DOCK4: variants seen among roughly 807,000 people sequenced by gnomAD.
DOCK4 encodes the protein dedicator of cytokinesis protein 4.
A neutral mutation model predicts 268.1 loss-of-function variants in DOCK4; 97 were observed. That is an observed-to-expected ratio of 0.36 (90% CI 0.31 to 0.43). The LOEUF (loss-of-function observed/expected upper bound fraction) is 0.43, where lower values mean the gene tolerates loss of function less well. DOCK4 is among the 20% of genes least tolerant of loss of function. DOCK4 has a pLI of 1.00. For synonymous variants in DOCK4, 954 were observed against 887.2 expected (o/e 1.08, Z -1.34); for missense variants, 2,145 against 2,455.7 (o/e 0.87, Z 2.67).
intron 1 of DOCK4, among the ~76,000 whole-genome samples, chr7:112,123,307 G>A (rs1217530196): frequency 1.3e-5 from 2 of 152,164 alleles, no homozygotes; most frequent in African/African-American, 4.8e-5. Flanking sequence ...TGAGGAGAAA[G>A]GGGGAAGGTC....
intron 47 of DOCK4, among the ~76,000 whole-genome samples, chr7:111,740,859 G>A (rs1001016562): frequency 2.7e-5 from 4 of 150,780 alleles, no homozygotes; most frequent in African/African-American, 4.9e-5. Flanking sequence ...CTTGTGCAGC[G>A]TGCCTAGGCT....
At chr7:111,974,492 ATGTGTGTGTGTGTG>A (rs59409689) in intron 8 of DOCK4, among the ~76,000 whole-genome samples, 1,546 of 84,372 alleles carry the variant, frequency 0.018, 45 homozygotes, top group African/African-American at 0.06. Context: ...TTGAAGAGGG[ATGTGTGTGTGTGTG>A]TGTGTGTGTG....
rs556939601 is a variant in DOCK4 at position 111,740,330 on chromosome 7, T to A, written c.5040+764A>T. The A allele has an allele frequency of 1.8e-3, 369 of 206,812 alleles. 7 individuals are homozygous for A. In the South Asian group the frequency reaches 0.019, roughly 11 times the overall value. The allele number at this position is 206,812 out of a possible 1,614,324, so 12.8% of individuals were successfully genotyped here. A position where few individuals can be genotyped will look rare whatever the true frequency, so the allele number is the denominator to read the frequency against. Reference sequence around the variant, plus strand: ...GGCCAGGATGGTCTCGAACTCCAGATCTCAAGGTGATTCGCTCACCTCGGC... The same window carrying A: ...GGCCAGGATGGTCTCGAACTCCAGAACTCAAGGTGATTCGCTCACCTCGGC... On this transcript the variant is annotated intron_variant, in intron 47 of 52. Coordinates refer to ENST00000428084, the MANE Select transcript of DOCK4 (RefSeq NM_001363540.2).
At chr7:112,150,388 A>G (rs1815945459) in intron 1 of DOCK4, among the ~76,000 whole-genome samples, 1 of 152,152 alleles carries the variant, frequency 6.6e-6, no homozygotes, top group Non-Finnish European at 1.5e-5. Flanking sequence ...CTTGTCTGCC[A>G]ACATGCCGCT....
intron 5 of DOCK4, among the ~76,000 whole-genome samples, chr7:111,989,948 A>G (rs1245156750): frequency 6.6e-6 from 1 of 152,228 alleles, no homozygotes; most frequent in African/African-American, 2.4e-5. Flanking sequence ...AGAGAGCACT[A>G]CAGCACAGTG....
chr7:111,791,225 A>AAAAAAGC (rs61401303), intron 30 of DOCK4, among the ~76,000 whole-genome samples: 10,311 of 148,322 alleles, frequency 0.07, 1,212 homozygotes, highest in African/African-American at 0.24. Context: ...ATAATTAAGC[A>AAAAAAGC]AAAAAGCAAG....
Position 111,790,431 on chromosome 7 carries a change from C to T in DOCK4, c.3315+26G>A, listed in dbSNP as rs186334028. On this transcript the variant is annotated intron_variant, in intron 31 of 52. Transcript: ENST00000428084. ...TTCAGGAGAGCTGAAACTCTTCCAA[C>T]TCTTCTGAGGAGCACTTCTGCCTAC... 18 of 1,608,686 alleles carry T rather than the reference C, an allele frequency of 1.1e-5. No homozygotes were observed. The East Asian group carries it at 3.8e-4, about 34-fold the overall frequency.
At chr7:111,853,267 T>C (rs1251066477) in intron 23 of DOCK4, among the ~76,000 whole-genome samples, 2 of 152,178 alleles carry the variant, frequency 1.3e-5, no homozygotes, top group African/African-American at 4.8e-5. Context: ...GTGAGTTCCA[T>C]GGCAGCACAC....
intron 1 of DOCK4, among the ~76,000 whole-genome samples, chr7:112,151,424 G>A (rs774359611): frequency 1.5e-4 from 23 of 152,206 alleles, no homozygotes; most frequent in Admixed American, 2.0e-4. Context: ...AAAAAGGAGA[G>A]TGAGTCAGTG....
At chr7:111,769,888 A>G (rs1798012083) in intron 36 of DOCK4, among the ~76,000 whole-genome samples, 1 of 152,130 alleles carries the variant, frequency 6.6e-6, no homozygotes, top group Admixed American at 6.5e-5. Flanking sequence ...TCTGTATTTC[A>G]TCTTTTGTTT....
intron 12 of DOCK4, among the ~76,000 whole-genome samples, chr7:111,933,191 TAC>T (rs1471043283): frequency 6.9e-6 from 1 of 144,710 alleles, no homozygotes; most frequent in Admixed American, 7.0e-5. Flanking sequence ...TATACGTATA[TAC>T]ACATATATAC....
intron 23 of DOCK4, among the ~76,000 whole-genome samples, chr7:111,862,615 C>T (rs549729509): frequency 1.3e-4 from 19 of 150,508 alleles, no homozygotes; most frequent in Non-Finnish European, 2.4e-4. Context: ...CTCAGCCTCC[C>T]GAGTAGATGG....
At chr7:111,861,745 C>CAAAAAAA (rs35987323) in intron 23 of DOCK4, among the ~76,000 whole-genome samples, 1 of 114,620 alleles carries the variant, frequency 8.7e-6, no homozygotes, top group African/African-American at 3.0e-5. Context: ...GACTCAGTCT[C>CAAAAAAA]AAAAAAAAAA....
At chr7:112,086,502 T>C (rs1397172099) in intron 1 of DOCK4, among the ~76,000 whole-genome samples, 2 of 152,130 alleles carry the variant, frequency 1.3e-5, no homozygotes, top group South Asian at 2.1e-4. Context: ...TAAATACTTA[T>C]TAAGTACCTA....
intron 16 of DOCK4, among the ~76,000 whole-genome samples, chr7:111,879,184 A>G (rs1191293858): frequency 2.0e-5 from 3 of 151,992 alleles, no homozygotes; most frequent in African/African-American, 7.2e-5. Flanking sequence ...TGAGGCCTCC[A>G]TTCTAGGCTT....
At chr7:111,830,075 A>G (rs80175421) in intron 26 of DOCK4, among the ~76,000 whole-genome samples, 2,390 of 152,328 alleles carry the variant, frequency 0.016, 58 homozygotes, top group African/African-American at 0.054. Flanking sequence ...GTTCAGGAAC[A>G]TAACTAGAAA....
intron 10 of DOCK4, among the ~76,000 whole-genome samples, chr7:111,941,275 A>G (rs1002616948): frequency 2.0e-5 from 3 of 152,226 alleles, no homozygotes; most frequent in Admixed American, 2.0e-4. Context: ...ACCTGATGCC[A>G]TATGTATGGC....
At chr7:111,879,591 G>A (rs949371660) in intron 16 of DOCK4, among the ~76,000 whole-genome samples, 2 of 152,282 alleles carry the variant, frequency 1.3e-5, no homozygotes, top group Non-Finnish European at 2.9e-5. Context: ...GGGGAGCAGG[G>A]TAAGTCCCAG....
At chr7:111,933,232 A>ATATATACGTATATACACG (rs1279393688) in intron 12 of DOCK4, among the ~76,000 whole-genome samples, 1 of 143,438 alleles carries the variant, frequency 7.0e-6, no homozygotes, top group Non-Finnish European at 1.5e-5. Flanking sequence ...GTATATACAC[A>ATATATACGTATATACACG]TATATACGTA....
Sources: gnomAD v4.1 joint callset for allele counts (sites outside exome capture counted in the v4.1 genomes callset) on GRCh38, gnomAD v4.1.1 for gene constraint, MANE v1.5 for transcripts, NCBI Gene and HGNC (gene_info 2026-07-23, HGNC 2026-07-21) for gene names.